SLC67A2: variants seen among roughly 807,000 people sequenced by gnomAD.
SLC67A2 encodes the protein solute carrier family 67 member 2.
At chr2:102,723,942 T>G in the SLC67A2 span, 2 of 1,552,150 alleles carry the variant, frequency 1.3e-6, no homozygotes, top group Non-Finnish European at 1.8e-6. Context: ...CTCTGTAACT[T>G]TTTCCAGACC....
At chr2:102,722,895 T>A in the SLC67A2 span, among the ~76,000 whole-genome samples, 1 of 151,978 alleles carries the variant, frequency 6.6e-6, no homozygotes, top group Admixed American at 6.6e-5. Flanking sequence ...AAATCATACA[T>A]CTGATAAAGA....
chr2:102,719,129 A>C, the SLC67A2 span: 2 of 1,614,214 alleles, frequency 1.2e-6, no homozygotes, highest in South Asian at 1.1e-5. Flanking sequence ...TCCCAACAGC[A>C]CATGGGTCTT....
At chr2:102,735,921 T>C in the SLC67A2 span, among the ~76,000 whole-genome samples, 18 of 151,918 alleles carry the variant, frequency 1.2e-4, no homozygotes, top group African/African-American at 4.4e-4. Context: ...CAAAGGTAGA[T>C]GGGTACAATT....
chr2:102,726,033 C>G, the SLC67A2 span, among the ~76,000 whole-genome samples: 1 of 152,174 alleles, frequency 6.6e-6, no homozygotes, highest in South Asian at 2.1e-4. Flanking sequence ...AATATACCCA[C>G]CAAGCGCTAC....
chr2:102,732,253 G>T, the SLC67A2 span: 3 of 1,282,142 alleles, frequency 2.3e-6, no homozygotes, highest in Non-Finnish European at 3.4e-6. Context: ...AAATTGAATT[G>T]TTTTCAGGTA....
chr2:102,724,258 A>G, the SLC67A2 span, among the ~76,000 whole-genome samples: 1 of 152,070 alleles, frequency 6.6e-6, no homozygotes, highest in African/African-American at 2.4e-5. Context: ...GCTTCCATAA[A>G]GCGAGTTTTC....
the SLC67A2 span, among the ~76,000 whole-genome samples, chr2:102,726,624 G>A: frequency 6.3e-4 from 95 of 149,856 alleles, no homozygotes; most frequent in Middle Eastern, 3.4e-3. Flanking sequence ...GCTCGCGCAC[G>A]CACACACACA....
the SLC67A2 span, among the ~76,000 whole-genome samples, chr2:102,733,183 T>C: frequency 2.6e-5 from 4 of 152,234 alleles, no homozygotes; most frequent in Admixed American, 6.5e-5. Flanking sequence ...TCTGAGTTAA[T>C]AGACAGACTG....
the SLC67A2 span, among the ~76,000 whole-genome samples, chr2:102,725,812 T>C: frequency 4.6e-5 from 7 of 152,166 alleles, no homozygotes; most frequent in Non-Finnish European, 7.3e-5. Context: ...ATCACGTCTA[T>C]GTTAAAATGA....
At chr2:102,732,455 A>G in the SLC67A2 span, 1 of 1,453,558 alleles carries the variant, frequency 6.9e-7, no homozygotes, top group Non-Finnish European at 9.4e-7. Context: ...TATTTTTCAA[A>G]CTAGTAAACC....
the SLC67A2 span, chr2:102,727,033 A>G: frequency 6.3e-7 from 1 of 1,574,918 alleles, no homozygotes; most frequent in African/African-American, 1.4e-5. Flanking sequence ...ACCACCATGC[A>G]AATGACCAAA....
At chr2:102,718,242 T>A in the SLC67A2 span, 2 of 686,740 alleles carry the variant, frequency 2.9e-6, no homozygotes, top group Non-Finnish European at 4.9e-6. Flanking sequence ...CCGTGACTTC[T>A]GATCATCCTG....
the SLC67A2 span, among the ~76,000 whole-genome samples, chr2:102,730,183 C>T: frequency 2.2e-4 from 34 of 152,324 alleles, no homozygotes; most frequent in Non-Finnish European, 4.0e-4. Context: ...AAGTAGGGCA[C>T]TGACAAGGTC....
chr2:102,730,260 G>A, the SLC67A2 span, among the ~76,000 whole-genome samples: 1 of 152,202 alleles, frequency 6.6e-6, no homozygotes, highest in East Asian at 1.9e-4. Flanking sequence ...ATGTTGCCCA[G>A]GCTAGACTTG....
the SLC67A2 span, among the ~76,000 whole-genome samples, chr2:102,722,006 C>A: frequency 1.3e-5 from 2 of 152,222 alleles, no homozygotes; most frequent in African/African-American, 4.8e-5. Context: ...GCACCCGGCC[C>A]AATGTGTATT....
chr2:102,726,609 C>T, the SLC67A2 span, among the ~76,000 whole-genome samples: 8 of 152,048 alleles, frequency 5.3e-5, no homozygotes, highest in African/African-American at 1.7e-4. Flanking sequence ...TAGACACACA[C>T]ACATGCTCGC....
the SLC67A2 span, among the ~76,000 whole-genome samples, chr2:102,724,877 T>C: frequency 1.3e-5 from 2 of 152,240 alleles, no homozygotes; most frequent in African/African-American, 4.8e-5. Flanking sequence ...AGCAAATGTA[T>C]AAATCTCTTT....
At chr2:102,716,566 G>A in the SLC67A2 span, 1 of 152,098 alleles carries the variant, frequency 6.6e-6, no homozygotes, top group Admixed American at 6.5e-5. Flanking sequence ...TAGGAAAAAG[G>A]ACAATCTTCA....
the SLC67A2 span, among the ~76,000 whole-genome samples, chr2:102,715,181 C>T: frequency 7.2e-5 from 11 of 152,156 alleles, no homozygotes; most frequent in South Asian, 2.1e-4. Context: ...CTCCTTGCTG[C>T]GGCTAGAGAG....
Sources: allele counts gnomAD v4.1 joint callset (sites outside exome capture counted in the v4.1 genomes callset), GRCh38; gene constraint gnomAD v4.1.1; transcripts MANE v1.5; gene names NCBI Gene and HGNC (gene_info 2026-07-23, HGNC 2026-07-21).